The following HMGCLL1 variants were observed in gnomAD, a reference collection of about 807,000 sequenced individuals.
HMGCLL1 encodes 3-hydroxy-3-methylglutaryl-CoA lyase like 1.
HMGCLL1 carries 36 observed loss-of-function variants against 39.1 expected under a neutral mutation model. The observed-to-expected ratio is 0.92, with a 90% CI of 0.71 to 1.22. HMGCLL1 has a LOEUF of 1.22. Ranked by LOEUF, HMGCLL1 falls within the 50% of genes most tolerant of loss-of-function variation. HMGCLL1 has a pLI of 0.00. For missense variants in HMGCLL1, 451 were observed against 416.5 expected, an observed-to-expected ratio of 1.08 and a Z score of -0.72; for synonymous variants, 149 against 144.0, an observed-to-expected ratio of 1.03 and a Z score of -0.25.
In HMGCLL1 at chr6:55,516,576, C is replaced by CTT; in HGVS notation, c.323_324dup (p.Gly109LysfsTer68). On this transcript the variant is annotated frameshift_variant, in exon 4 of 9. Coordinates refer to ENST00000274901, the MANE Select transcript of HMGCLL1 (RefSeq NM_001042406.2). LOFTEE classifies it high-confidence loss of function. The stretch of plus-strand genomic sequence containing the variant: ...CGAACTCCTGGATATTGATGAATGC[C>CTT]TTTCATTACTTCAGTGTGATCAGCC... The CTT allele has an allele frequency of 1.3e-6, 2 of 1,598,482 alleles. No individual in the cohort carries two copies. Among genetic ancestry groups the CTT allele is most frequent in the Non-Finnish European group, 1.7e-6 (2 of 1,169,276 alleles).
chr6:55,641,993 G>A, the HMGCLL1 span, among the ~76,000 whole-genome samples: 1 of 139,702 alleles, frequency 7.2e-6, no homozygotes, highest in Non-Finnish European at 1.5e-5. Flanking sequence ...GTGCCATGCT[G>A]GTGCACTGCA....
the HMGCLL1 span, among the ~76,000 whole-genome samples, chr6:55,603,000 T>C: frequency 5.9e-5 from 9 of 152,104 alleles, no homozygotes; most frequent in Non-Finnish European, 1.3e-4. Context: ...AGTTCCCATG[T>C]AATGATGCTG....
At chr6:55,643,276 C>T in the HMGCLL1 span, among the ~76,000 whole-genome samples, 2 of 152,004 alleles carry the variant, frequency 1.3e-5, no homozygotes, top group South Asian at 2.1e-4. Flanking sequence ...TAAGTGTCCC[C>T]TTTTCTCCGC....
At chr6:55,651,476 T>G in the HMGCLL1 span, among the ~76,000 whole-genome samples, 42 of 152,074 alleles carry the variant, frequency 2.8e-4, no homozygotes, top group Non-Finnish European at 4.4e-4. Context: ...AAAGTCCTCT[T>G]TATTCTTCAT....
At chr6:55,563,459 T>C (rs919016265) in intron 1 of HMGCLL1, among the ~76,000 whole-genome samples, 3 of 152,168 alleles carry the variant, frequency 2.0e-5, no homozygotes, top group Non-Finnish European at 4.4e-5. Flanking sequence ...GTTTTATTGA[T>C]TATGCATAAA....
At chr6:55,630,891 C>T in the HMGCLL1 span, among the ~76,000 whole-genome samples, 2 of 152,088 alleles carry the variant, frequency 1.3e-5, no homozygotes, top group Non-Finnish European at 2.9e-5. Flanking sequence ...ATTGCCCAGT[C>T]TCGGGTATTT....
At chr6:55,624,899 T>C in the HMGCLL1 span, among the ~76,000 whole-genome samples, 1 of 152,148 alleles carries the variant, frequency 6.6e-6, no homozygotes, top group Admixed American at 6.5e-5. Context: ...AGCCCATTTA[T>C]TGAGTGACCT....
intron 1 of HMGCLL1, chr6:55,566,485 T>C (rs1771217843): frequency 2.8e-6 from 1 of 355,144 alleles, no homozygotes; most frequent in Non-Finnish European, 5.7e-6. Context: ...AAGTGTAAGG[T>C]GACATTTGAG....
intron 3 of HMGCLL1, among the ~76,000 whole-genome samples, chr6:55,530,818 T>A (rs1472817275): frequency 6.6e-6 from 1 of 152,152 alleles, no homozygotes; most frequent in East Asian, 1.9e-4. Flanking sequence ...GATCAATCCG[T>A]GTGTACCTAA....
chr6:55,641,974 T>A, the HMGCLL1 span, among the ~76,000 whole-genome samples: 5 of 145,042 alleles, frequency 3.4e-5, no homozygotes, highest in South Asian at 8.7e-4. Context: ...TAGTTACATA[T>A]GTATACATGT....
chr6:55,569,640 A>C (rs1444811478), intron 1 of HMGCLL1, among the ~76,000 whole-genome samples: 1 of 152,210 alleles, frequency 6.6e-6, no homozygotes, highest in South Asian at 2.1e-4. Flanking sequence ...CTGGATGTAA[A>C]CAGGGAGTGC....
Position 55,516,619 on chromosome 6 carries a change from G to T in HMGCLL1, c.298-16C>A, listed in dbSNP as rs774589267. 8.7e-6 allele frequency: 13 copies of T among 1,487,916 alleles called. No homozygotes were observed. In the Admixed American group the frequency reaches 1.5e-4, roughly 17 times the overall value. The allele number at this position is 1,487,916 out of a possible 1,614,324, so 92.2% of individuals were successfully genotyped here. A position where few individuals can be genotyped will look rare whatever the true frequency, so the allele number is the denominator to read the frequency against. ...GATCAGCCATCTTAAATACATAATA[G>T]TTATATGTAAATGTGTAACTTCGAA... On this transcript the variant is annotated splice_polypyrimidine_tract_variant and intron_variant, in intron 3 of 8. Transcript: ENST00000274901.
At chr6:55,667,898 CTT>C in the HMGCLL1 span, among the ~76,000 whole-genome samples, 1 of 147,800 alleles carries the variant, frequency 6.8e-6, no homozygotes, top group African/African-American at 2.5e-5. Context: ...ATGCAACAGA[CTT>C]TTTTTTTTAT....
intron 7 of HMGCLL1, among the ~76,000 whole-genome samples, chr6:55,484,863 G>C (rs577847547): frequency 1.6e-4 from 24 of 152,068 alleles, no homozygotes; most frequent in Non-Finnish European, 2.8e-4. Flanking sequence ...AGAGCAGTCA[G>C]AATGATCCCT....
intron 1 of HMGCLL1, chr6:55,563,709 G>C (rs1379864082): frequency 5.5e-6 from 2 of 366,604 alleles, no homozygotes; most frequent in African/African-American, 4.3e-5. Context: ...TTTACATATG[G>C]CTGCATCAAA....
chr6:55,566,269 A>C (rs1002767514), intron 1 of HMGCLL1, among the ~76,000 whole-genome samples: 1 of 152,164 alleles, frequency 6.6e-6, no homozygotes, highest in Non-Finnish European at 1.5e-5. Context: ...TCTGACAGAC[A>C]TGTTCTCTTT....
intron 3 of HMGCLL1, among the ~76,000 whole-genome samples, chr6:55,539,369 A>G (rs1456018372): frequency 1.3e-5 from 2 of 152,198 alleles, no homozygotes; most frequent in Admixed American, 6.6e-5. Flanking sequence ...AAATAATTCT[A>G]TCATAAAGAC....
At chr6:55,466,768 C>G (rs2127400097) in intron 7 of HMGCLL1, among the ~76,000 whole-genome samples, 1 of 152,142 alleles carries the variant, frequency 6.6e-6, no homozygotes, top group Non-Finnish European at 1.5e-5. Flanking sequence ...TCTGTTTTGT[C>G]CTATGTTCCT....
At chr6:55,650,082 CACATATACAT>C in the HMGCLL1 span, among the ~76,000 whole-genome samples, 2 of 73,588 alleles carry the variant, frequency 2.7e-5, no homozygotes, top group South Asian at 1.1e-3. Flanking sequence ...TATATACACA[CACATATACAT>C]ATATATATAT....
Sources: gnomAD v4.1 joint callset for allele counts (sites outside exome capture counted in the v4.1 genomes callset) on GRCh38, gnomAD v4.1.1 for gene constraint, MANE v1.5 for transcripts, NCBI Gene and HGNC (gene_info 2026-07-23, HGNC 2026-07-21) for gene names.